NKAIN3: variants seen among roughly 807,000 people sequenced by gnomAD.
NKAIN3 encodes the protein sodium/potassium transporting ATPase interacting 3.
NKAIN3 carries 25 observed loss-of-function variants against 30.2 expected under a neutral mutation model. That is an observed-to-expected ratio of 0.83 (90% CI 0.60 to 1.16). The LOEUF (loss-of-function observed/expected upper bound fraction) is 1.16, where lower values mean the gene tolerates loss of function less well. Ranked by LOEUF, NKAIN3 falls within the 50% of genes most tolerant of loss-of-function variation. NKAIN3 has a pLI of 0.00. For synonymous variants in NKAIN3, 91 were observed against 89.6 expected (o/e 1.02, Z -0.09); for missense variants, 225 against 254.1 (o/e 0.89, Z 0.78).
At chr8:62,383,141 C>G (rs1817326624) in intron 1 of NKAIN3, among the ~76,000 whole-genome samples, 2 of 152,166 alleles carry the variant, frequency 1.3e-5, no homozygotes, top group South Asian at 4.1e-4. Flanking sequence ...TTTGGGCAGC[C>G]AGGGACATTA....
chr8:62,532,218 T>C (rs1808510208), intron 1 of NKAIN3, among the ~76,000 whole-genome samples: 1 of 152,174 alleles, frequency 6.6e-6, no homozygotes, highest in Non-Finnish European at 1.5e-5. Flanking sequence ...GCCATCACAC[T>C]GATAAGGACT....
At position 62,249,064 on chromosome 8, in the gene NKAIN3, C is replaced by G; in HGVS notation, c.-10C>G. 2 of 1,535,318 alleles carry G rather than the reference C, an allele frequency of 1.3e-6. No homozygotes were observed. Among genetic ancestry groups the G allele is most frequent in the East Asian group, 5.1e-5 (2 of 39,306 alleles). On this transcript the variant is annotated 5_prime_UTR_variant, in exon 1 of 7. Transcript: ENST00000623646. ...CTGGCAGTCAGCGCCGCTCGGACGC[C>G]GCCGGCACCATGGGCTGCTGCACCG...
intron 3 of NKAIN3, among the ~76,000 whole-genome samples, chr8:62,741,272 T>C (rs1003573750): frequency 1.3e-5 from 2 of 151,656 alleles, no homozygotes; most frequent in Non-Finnish European, 2.9e-5. Context: ...CATTCTGGCA[T>C]ATTGATTGTT....
intron 1 of NKAIN3, among the ~76,000 whole-genome samples, chr8:62,330,343 G>C (rs1815297901): frequency 6.6e-6 from 1 of 151,930 alleles, no homozygotes; most frequent in African/African-American, 2.4e-5. Context: ...TATAAGCCAG[G>C]GTACGTAGGA....
chr8:62,253,585 C>T (rs1005816771), intron 1 of NKAIN3, among the ~76,000 whole-genome samples: 1 of 152,110 alleles, frequency 6.6e-6, no homozygotes, highest in Non-Finnish European at 1.5e-5. Context: ...GAAAGAAATA[C>T]ATAAGTAAAT....
intron 4 of NKAIN3, among the ~76,000 whole-genome samples, chr8:62,830,426 A>T (rs1461869839): frequency 6.6e-6 from 1 of 152,208 alleles, no homozygotes; most frequent in Non-Finnish European, 1.5e-5. Context: ...GGTAAATAGC[A>T]TTAACCAAGG....
intron 3 of NKAIN3, among the ~76,000 whole-genome samples, chr8:62,633,624 T>G (rs1321382766): frequency 2.0e-5 from 3 of 152,146 alleles, no homozygotes; most frequent in Non-Finnish European, 4.4e-5. Flanking sequence ...AAATGCCTGG[T>G]GAAGTCGTGC....
At chr8:62,275,551 A>G (rs867763553) in intron 1 of NKAIN3, among the ~76,000 whole-genome samples, 1 of 152,226 alleles carries the variant, frequency 6.6e-6, no homozygotes, top group African/African-American at 2.4e-5. Flanking sequence ...AATCATAAAA[A>G]TTCTTCCTTT....
At chr8:62,682,191 T>C (rs1381010156) in intron 3 of NKAIN3, among the ~76,000 whole-genome samples, 7 of 152,114 alleles carry the variant, frequency 4.6e-5, no homozygotes, top group Non-Finnish European at 1.0e-4. Context: ...AAGGGGATCG[T>C]TCCCCCTTGA....
intron 1 of NKAIN3, among the ~76,000 whole-genome samples, chr8:62,266,399 T>C (rs966460933): frequency 6.6e-6 from 1 of 152,232 alleles, no homozygotes; most frequent in East Asian, 1.9e-4. Flanking sequence ...TCTCTTCATA[T>C]GCATGCCTTC....
intron 1 of NKAIN3, among the ~76,000 whole-genome samples, chr8:62,262,634 G>A (rs1812479339): frequency 6.6e-6 from 1 of 152,112 alleles, no homozygotes; most frequent in African/African-American, 2.4e-5. Context: ...TAGGAGGCTT[G>A]CAAAGATCCC....
intron 1 of NKAIN3, among the ~76,000 whole-genome samples, chr8:62,465,541 A>G (rs997279720): frequency 1.3e-5 from 2 of 152,172 alleles, no homozygotes; most frequent in African/African-American, 4.8e-5. Flanking sequence ...CTCTACGTAC[A>G]TTGATAGTCA....
chr8:62,923,716 C>T lies in NKAIN3; in HGVS notation c.532+5203C>T, dbSNP rs138700068. Among the ~76,000 whole-genome samples, 983 of 152,242 alleles carry T rather than the reference C, an allele frequency of 6.5e-3. 7 individuals are homozygous for T. Among genetic ancestry groups the T allele is most frequent in the Middle Eastern group, 0.02 (6 of 294 alleles). Reference sequence around the variant, plus strand: ...GGCAGGCATTTAGGAGTCGACTCATCTGCAACATGTGGTGAAGGGGACAGA... The same window carrying T: ...GGCAGGCATTTAGGAGTCGACTCATTTGCAACATGTGGTGAAGGGGACAGA... On this transcript the variant is annotated intron_variant, in intron 5 of 6. Transcript: ENST00000623646.
At chr8:62,768,746 G>T (rs1009092657) in intron 4 of NKAIN3, among the ~76,000 whole-genome samples, 1 of 152,096 alleles carries the variant, frequency 6.6e-6, no homozygotes, top group African/African-American at 2.4e-5. Context: ...CATGTCACTA[G>T]TGTCTTTAAA....
intron 1 of NKAIN3, among the ~76,000 whole-genome samples, chr8:62,493,342 G>A (rs1180841739): frequency 6.6e-6 from 1 of 151,954 alleles, no homozygotes; most frequent in Admixed American, 6.6e-5. Context: ...CTAGGTGTTT[G>A]GCCTTATATT....
chr8:62,464,542 G>A (rs137890742), intron 1 of NKAIN3, among the ~76,000 whole-genome samples: 3 of 152,276 alleles, frequency 2.0e-5, no homozygotes, highest in Admixed American at 6.5e-5. Flanking sequence ...TGATAGAAGC[G>A]TAGTGCTAAA....
intron 4 of NKAIN3, among the ~76,000 whole-genome samples, chr8:62,747,797 C>T (rs576680882): frequency 6.6e-6 from 1 of 152,242 alleles, no homozygotes; most frequent in East Asian, 1.9e-4. Flanking sequence ...TCCTTTCAGA[C>T]CCGAAAAGGA....
chr8:62,648,553 C>A (rs1335398692), intron 3 of NKAIN3, among the ~76,000 whole-genome samples: 1 of 152,126 alleles, frequency 6.6e-6, no homozygotes, highest in African/African-American at 2.4e-5. Flanking sequence ...AAAGTAAATA[C>A]ACAGGGGTAT....
At chr8:62,819,234 C>A (rs1818780413) in intron 4 of NKAIN3, among the ~76,000 whole-genome samples, 1 of 150,716 alleles carries the variant, frequency 6.6e-6, no homozygotes, top group African/African-American at 2.4e-5. Flanking sequence ...GTCAGAGTTA[C>A]AAACTGAAGT....
Sources: allele counts gnomAD v4.1 joint callset (sites outside exome capture counted in the v4.1 genomes callset), GRCh38; gene constraint gnomAD v4.1.1; transcripts MANE v1.5; gene names NCBI Gene and HGNC (gene_info 2026-07-23, HGNC 2026-07-21).